ZFPM2: variants seen among roughly 807,000 people sequenced by gnomAD.
The protein encoded by ZFPM2 is zinc finger protein, FOG family member 2, also known as zinc finger protein ZFPM2.
A neutral mutation model predicts 98.6 loss-of-function variants in ZFPM2; 20 were observed. The observed-to-expected ratio is 0.20, with a 90% CI of 0.14 to 0.29. The LOEUF is 0.29. Ranked by LOEUF, ZFPM2 falls within the 10% of genes least tolerant of loss-of-function variation. The pLI, the probability that ZFPM2 is intolerant of heterozygous loss-of-function variation, is 1.00. For synonymous variants in ZFPM2, 518 were observed against 502.7 expected, an observed-to-expected ratio of 1.03 and a Z score of -0.41; for missense variants, 1,310 against 1,388.6, an observed-to-expected ratio of 0.94 and a Z score of 0.90.
rs114851512 is a variant in ZFPM2, at chr8:105,418,389, C to T, written c.41-755C>T. ...TATTCCCATGTAGTCCACTTCAGATCGGTCTGAACAACTCCAGCCCTCCCT... is the reference window on the plus strand; with the variant it reads ...TATTCCCATGTAGTCCACTTCAGATTGGTCTGAACAACTCCAGCCCTCCCT... On this transcript the variant is annotated intron_variant, in intron 1 of 7. Coordinates refer to ENST00000407775, the MANE Select transcript of ZFPM2 (RefSeq NM_012082.4). Among the ~76,000 whole-genome samples the T allele has an allele frequency of 9.4e-3, 1,428 of 152,218 alleles. 22 individuals are homozygous for T. The highest frequency in any genetic ancestry group is 0.032 in the African/African-American group (1,319 of 41,542).
intron 5 of ZFPM2, among the ~76,000 whole-genome samples, chr8:105,750,002 A>G (rs1348036380): frequency 1.3e-5 from 2 of 151,636 alleles, no homozygotes; most frequent in Non-Finnish European, 2.9e-5. Context: ...CAATGACAGC[A>G]AACAAAGAAC....
chr8:105,548,807 A>G (rs1251515525), intron 3 of ZFPM2, among the ~76,000 whole-genome samples: 4 of 152,152 alleles, frequency 2.6e-5, no homozygotes, highest in African/African-American at 9.7e-5. Context: ...ATTAGGTCGT[A>G]ATTATCTCAC....
chr8:105,342,713 A>G (rs182976254), intron 1 of ZFPM2, among the ~76,000 whole-genome samples: 1 of 152,188 alleles, frequency 6.6e-6, no homozygotes, highest in Non-Finnish European at 1.5e-5. Flanking sequence ...AAAAAAAGAA[A>G]AGAAAAAATA....
At chr8:105,393,337 C>CCTTTCTTTCTTTCTTT (rs1196120373) in intron 1 of ZFPM2, among the ~76,000 whole-genome samples, 7,500 of 114,286 alleles carry the variant, frequency 0.066, 366 homozygotes, top group East Asian at 0.11. Context: ...TCTCTCTTTG[C>CCTTTCTTTCTTTCTTT]CTTTCTTTCT....
chr8:105,422,827 A>T (rs556684596), intron 2 of ZFPM2, among the ~76,000 whole-genome samples: 1 of 152,324 alleles, frequency 6.6e-6, no homozygotes, highest in East Asian at 1.9e-4. Context: ...TAGCAACTGC[A>T]TTTTATATAA....
chr8:105,342,611 T>C (rs2129670304), intron 1 of ZFPM2, among the ~76,000 whole-genome samples: 1 of 150,620 alleles, frequency 6.6e-6, no homozygotes, highest in Non-Finnish European at 1.5e-5. Context: ...CCAAAGAAAC[T>C]CATAGAGGGG....
chr8:105,801,810 G>A lies in ZFPM2; in HGVS notation c.1728G>A (p.Gln576=). 6.2e-7 allele frequency: 1 copy of A among 1,613,996 alleles called. No individual in the cohort carries two copies. The highest frequency in any genetic ancestry group is 8.5e-7 in the Non-Finnish European group (1 of 1,179,872). The change falls in exon 8 of 8, where the codon CAG becomes CAA. Residue 576 remains glutamine, a synonymous_variant. Coordinates refer to ENST00000407775, the MANE Select transcript of ZFPM2 (RefSeq NM_012082.4). Reference sequence around the variant, plus strand: ...AGCATTATTGCAGCAGCCGATGGCAGCAGATGGCTAAGTCCCCAGAGTTCC... The same window carrying A: ...AGCATTATTGCAGCAGCCGATGGCAACAGATGGCTAAGTCCCCAGAGTTCC... The part of the protein sequence containing the change: ...HKKHYCSSRW[Q]QMAKSPEFPS...
At chr8:105,712,484 G>A (rs532916213) in intron 5 of ZFPM2, among the ~76,000 whole-genome samples, 55 of 152,048 alleles carry the variant, frequency 3.6e-4, no homozygotes, top group African/African-American at 1.1e-3. Context: ...GAGGTATGTC[G>A]GAATCAAATC....
At chr8:105,671,518 T>C (rs1306419243) in intron 5 of ZFPM2, among the ~76,000 whole-genome samples, 2 of 152,056 alleles carry the variant, frequency 1.3e-5, no homozygotes, top group African/African-American at 4.8e-5. Flanking sequence ...TTTTCTTTAC[T>C]GAAATTTTAA....
chr8:105,331,581 C>G (rs1246982198), intron 1 of ZFPM2, among the ~76,000 whole-genome samples: 2 of 151,702 alleles, frequency 1.3e-5, no homozygotes, highest in South Asian at 2.1e-4. Flanking sequence ...TGTTCCTACT[C>G]TCCTAAGAAA....
intron 1 of ZFPM2, among the ~76,000 whole-genome samples, chr8:105,360,095 C>T (rs573812174): frequency 6.6e-6 from 1 of 152,260 alleles, no homozygotes; most frequent in African/African-American, 2.4e-5. Context: ...TTTCATCATA[C>T]AGGGAAGTAT....
intron 5 of ZFPM2, among the ~76,000 whole-genome samples, chr8:105,785,987 A>G (rs1813403360): frequency 7.2e-6 from 1 of 138,144 alleles, no homozygotes; most frequent in Non-Finnish European, 1.5e-5. Context: ...GCTTGCAGTG[A>G]GCGGAGATGG....
At chr8:105,476,671 A>G (rs1261923828) in intron 3 of ZFPM2, among the ~76,000 whole-genome samples, 1 of 152,184 alleles carries the variant, frequency 6.6e-6, no homozygotes, top group Non-Finnish European at 1.5e-5. Context: ...TATTATTACT[A>G]GTGATTTGCA....
chr8:105,709,066 G>A (rs1811323866), intron 5 of ZFPM2, among the ~76,000 whole-genome samples: 1 of 152,120 alleles, frequency 6.6e-6, no homozygotes, highest in Non-Finnish European at 1.5e-5. Context: ...CTATTTTTTG[G>A]TAGTAGAGAA....
chr8:105,798,902 CT>C lies in ZFPM2; in HGVS notation c.922del (p.Ser308GlnfsTer6), dbSNP rs1275175502. 1 of 1,613,954 alleles carries C rather than the reference CT, an allele frequency of 6.2e-7. No homozygotes were observed. ...LCPFPQCTKS[F>X]SNARALEMHL... ...GCCCCTTCCCACAGTGCACCAAGAG[CT>C]TTTCAAATGCTCGAGCTCTAGAAAT... On this transcript the variant is annotated frameshift_variant, in exon 7 of 8. Transcript: ENST00000407775. LOFTEE classifies it high-confidence loss of function.
At chr8:105,363,053 A>G (rs1158357969) in intron 1 of ZFPM2, among the ~76,000 whole-genome samples, 1 of 152,322 alleles carries the variant, frequency 6.6e-6, no homozygotes, top group Non-Finnish European at 1.5e-5. Flanking sequence ...GATTCATGAA[A>G]GTGATCAAGA....
chr8:105,796,640 A>G (rs1256565654), intron 6 of ZFPM2: 4 of 151,966 alleles, frequency 2.6e-5, no homozygotes, highest in Non-Finnish European at 1.5e-5. Flanking sequence ...TCCCTGAGCC[A>G]TCTCCTTCAC....
Position 105,803,750 on chromosome 8 carries a change from C to A in ZFPM2, c.*212C>A. 3 of 544,460 alleles carry A rather than the reference C, an allele frequency of 5.5e-6. No individual in the cohort carries two copies. Among genetic ancestry groups the A allele is most frequent in the Non-Finnish European group, 9.7e-6 (3 of 308,740 alleles). 33.7% of individuals were successfully genotyped at this position (544,460 alleles called of 1,614,324 possible). ...CAAAAAAATTAATTTATTTTACCAG[C>A]AGTATTCATAGCTGTGGTTATGTTA... On this transcript the variant is annotated 3_prime_UTR_variant, in exon 8 of 8. Transcript: ENST00000407775.
At chr8:105,732,398 C>T (rs1282687860) in intron 5 of ZFPM2, among the ~76,000 whole-genome samples, 1 of 151,770 alleles carries the variant, frequency 6.6e-6, no homozygotes, top group Non-Finnish European at 1.5e-5. Context: ...TGATAAGAAA[C>T]TTCTGGATTA....
Sources: gnomAD v4.1 joint callset for allele counts (sites outside exome capture counted in the v4.1 genomes callset) on GRCh38, gnomAD v4.1.1 for gene constraint, MANE v1.5 for transcripts, NCBI Gene and HGNC (gene_info 2026-07-23, HGNC 2026-07-21) for gene names.